Variants in CCDC138 observed in about 807,000 individuals in gnomAD.
The protein encoded by CCDC138 is coiled-coil domain containing 138.
In CCDC138, 66 loss-of-function variants were observed where a neutral mutation model predicts 82.3. That is an observed-to-expected ratio of 0.80 (90% confidence interval 0.66 to 0.98). The LOEUF (loss-of-function observed/expected upper bound fraction) is 0.98. CCDC138 is among the 50% of genes least tolerant of loss of function. The pLI is 0.00. For missense variants in CCDC138, 816 were observed against 758.9 expected (o/e 1.08, Z -0.88); for synonymous variants, 297 against 265.4 (o/e 1.12, Z -1.16).
At chr2:108,852,786 T>G (rs1229262414) in intron 12 of CCDC138, among the ~76,000 whole-genome samples, 1 of 152,102 alleles carries the variant, frequency 6.6e-6, no homozygotes, top group African/African-American at 2.4e-5. Context: ...GAAAAATAAC[T>G]AATGGGTACT....
At chr2:108,837,903 G>A (rs1688834014) in intron 10 of CCDC138, among the ~76,000 whole-genome samples, 2 of 151,842 alleles carry the variant, frequency 1.3e-5, no homozygotes, top group South Asian at 2.1e-4. Context: ...CTCAACTTAT[G>A]AGGTGTCTAT....
intron 11 of CCDC138, among the ~76,000 whole-genome samples, chr2:108,844,851 G>T (rs565769289): frequency 6.0e-5 from 9 of 151,088 alleles, no homozygotes; most frequent in Non-Finnish European, 1.0e-4. Context: ...AGGTTCAAGC[G>T]ATTCTCCTGC....
chr2:108,805,631 G>A (rs762620271), intron 7 of CCDC138, among the ~76,000 whole-genome samples: 2 of 152,084 alleles, frequency 1.3e-5, no homozygotes, highest in African/African-American at 4.8e-5. Flanking sequence ...GGAGGCTGAG[G>A]CAGGAGAATG....
chr2:108,814,482 A>G (rs1339117026), intron 9 of CCDC138, among the ~76,000 whole-genome samples: 5 of 152,078 alleles, frequency 3.3e-5, no homozygotes, highest in African/African-American at 9.7e-5. Flanking sequence ...TTCTATTTGA[A>G]AAAAATTGAG....
intron 10 of CCDC138, among the ~76,000 whole-genome samples, chr2:108,834,075 G>A (rs372388336): frequency 6.6e-6 from 1 of 151,322 alleles, no homozygotes; most frequent in Non-Finnish European, 1.5e-5. Context: ...GCAGTAGATC[G>A]AATAATAAGG....
intron 14 of CCDC138, among the ~76,000 whole-genome samples, chr2:108,875,507 GA>G (rs1393163006): frequency 3.3e-5 from 5 of 150,354 alleles, no homozygotes; most frequent in African/African-American, 7.3e-5. Flanking sequence ...TGCTAGCTGT[GA>G]AAAAAAAAAT....
chr2:108,879,627 A>G (rs2105343185), downstream of CCDC138, among the ~76,000 whole-genome samples: 1 of 152,330 alleles, frequency 6.6e-6, no homozygotes, highest in South Asian at 2.1e-4. Flanking sequence ...CTAAGTTTTT[A>G]GTATATTATT....
intron 14 of CCDC138, among the ~76,000 whole-genome samples, chr2:108,873,817 A>G (rs1028297376): frequency 1.4e-4 from 22 of 152,176 alleles, no homozygotes; most frequent in African/African-American, 5.1e-4. Flanking sequence ...GCCACATTCA[A>G]AGCCATCCTG....
At chr2:108,884,923 C>G (rs1394829547) in intron 2 of CCDC138, 1 of 152,272 alleles carries the variant, frequency 6.6e-6, no homozygotes, top group Non-Finnish European at 1.5e-5. Context: ...CCTCCCCACT[C>G]CCCATCAGCA....
At chr2:108,827,883 A>G (rs920420355) in intron 10 of CCDC138, among the ~76,000 whole-genome samples, 4 of 152,030 alleles carry the variant, frequency 2.6e-5, no homozygotes, top group Non-Finnish European at 5.9e-5. Context: ...CTGTTCCTGA[A>G]AAAAATTCAT....
At chr2:108,791,212 AATACT>A (rs1471385995) in intron 3 of CCDC138, among the ~76,000 whole-genome samples, 1 of 152,194 alleles carries the variant, frequency 6.6e-6, no homozygotes, top group Non-Finnish European at 1.5e-5. Flanking sequence ...GCTTTTGAAC[AATACT>A]ATTCCAAAAA....
chr2:108,803,434 A>G (rs1369238924), intron 6 of CCDC138, among the ~76,000 whole-genome samples: 2 of 152,090 alleles, frequency 1.3e-5, no homozygotes, highest in Admixed American at 1.3e-4. Flanking sequence ...GTGGAAATTA[A>G]AAAAAAATTT....
At chr2:108,883,790 G>A (rs1227637788) in intron 2 of CCDC138, 1 of 152,190 alleles carries the variant, frequency 6.6e-6, no homozygotes, top group Non-Finnish European at 1.5e-5. Context: ...TGCCCCTCTT[G>A]GTTTCCCTAA....
At chr2:108,793,061 CA>C (rs1374204558) in intron 4 of CCDC138, among the ~76,000 whole-genome samples, 23 of 116,272 alleles carry the variant, frequency 2.0e-4, no homozygotes, top group East Asian at 2.6e-4. Context: ...GACTCTGTCT[CA>C]AAAAAAAAAG....
intron 10 of CCDC138, among the ~76,000 whole-genome samples, chr2:108,834,556 ACAT>A (rs1284273966): frequency 6.6e-6 from 1 of 152,226 alleles, no homozygotes; most frequent in Admixed American, 6.5e-5. Context: ...CAAATAGTTG[ACAT>A]CAATCCATGA....
intron 7 of CCDC138, among the ~76,000 whole-genome samples, chr2:108,805,595 C>T (rs980016369): frequency 3.3e-5 from 5 of 151,704 alleles, no homozygotes; most frequent in East Asian, 1.9e-4. Context: ...GGCGTGATGG[C>T]GGGCGCCTGT....
intron 13 of CCDC138, among the ~76,000 whole-genome samples, chr2:108,860,566 G>A (rs1211912522): frequency 6.7e-6 from 1 of 150,044 alleles, no homozygotes; most frequent in Admixed American, 6.6e-5. Flanking sequence ...TGTTTTTTCT[G>A]CATCTAGGGG....
chr2:108,794,468 A>G (rs1034608860), intron 4 of CCDC138, 72 bp from the exon 5 acceptor site: 2 of 1,356,798 alleles, frequency 1.5e-6, no homozygotes, highest in Non-Finnish European at 2.0e-6. Context: ...ATCTCTTCCT[A>G]AAGGTTACTC....
chr2:108,798,456 C>T lies in CCDC138; in HGVS notation c.605C>T (p.Ala202Val). The part of the protein sequence containing the change: ...QCETAAQQKF[A>V]EELQKRERFL... ...GAAACTGCAGCACAACAGAAATTTG[C>T]TGAAGAACTTCAAAAGCGAGAACGT... The change falls in exon 6 of 15, where the codon GCT becomes GTT. Residue 202 changes from alanine (A) to valine (V), a missense_variant. Ala to Val is a moderately conservative substitution (Grantham distance 64). Transcript: ENST00000295124. The T allele has an allele frequency of 6.2e-7, 1 of 1,613,420 alleles. No homozygotes were observed. The highest frequency in any genetic ancestry group is 8.5e-7 in the Non-Finnish European group (1 of 1,179,756).
Sources: gnomAD v4.1 joint callset for allele counts (sites outside exome capture counted in the v4.1 genomes callset) on GRCh38, gnomAD v4.1.1 for gene constraint, MANE v1.5 for transcripts, NCBI Gene and HGNC (gene_info 2026-07-23, HGNC 2026-07-21) for gene names.